The following ENOX1 variants were observed in gnomAD, a reference collection of about 807,000 sequenced individuals.
The protein encoded by ENOX1 is candidate growth-related and time keeping constitutive hydroquinone (NADH) oxidase.
Under a neutral mutation model 82.5 loss-of-function variants are expected in ENOX1, and 42 were observed. The observed-to-expected ratio is 0.51, with a 90% CI of 0.40 to 0.66. ENOX1 has a LOEUF of 0.66. Ranked by LOEUF, ENOX1 falls within the 30% of genes least tolerant of loss-of-function variation. ENOX1 has a pLI of 0.00. For missense variants in ENOX1, 608 were observed against 811.6 expected (o/e 0.75, Z 3.05); for synonymous variants, 271 against 282.2 (o/e 0.96, Z 0.40).
intron 12 of ENOX1, among the ~76,000 whole-genome samples, chr13:43,297,501 T>C (rs2046344617): frequency 6.6e-6 from 1 of 152,200 alleles, no homozygotes; most frequent in African/African-American, 2.4e-5. Flanking sequence ...TGATAATATA[T>C]GCTCTGTTAT....
intron 6 of ENOX1, among the ~76,000 whole-genome samples, chr13:43,360,715 A>AG (rs1230500329): frequency 6.6e-6 from 1 of 151,758 alleles, no homozygotes; most frequent in African/African-American, 2.4e-5. Context: ...GAATGACAAA[A>AG]AAAAAAAAAA....
intron 11 of ENOX1, among the ~76,000 whole-genome samples, chr13:43,299,258 C>T (rs2046441820): frequency 6.6e-6 from 1 of 152,162 alleles, no homozygotes; most frequent in Non-Finnish European, 1.5e-5. Context: ...CAGGGTCTCA[C>T]ACATCTCAAG....
intron 3 of ENOX1, among the ~76,000 whole-genome samples, chr13:43,483,488 A>T (rs543157231): frequency 6.6e-6 from 1 of 152,282 alleles, no homozygotes; most frequent in Admixed American, 6.5e-5. Flanking sequence ...AACCCCAAAC[A>T]AGCCCTATTC....
chr13:43,601,193 C>T (rs944897867), intron 2 of ENOX1, among the ~76,000 whole-genome samples: 4 of 152,058 alleles, frequency 2.6e-5, no homozygotes, highest in Non-Finnish European at 5.9e-5. Context: ...TTAAATAAGG[C>T]ACCAGGGTTA....
chr13:43,714,485 C>T (rs1004787330), intron 1 of ENOX1, among the ~76,000 whole-genome samples: 6 of 152,062 alleles, frequency 3.9e-5, no homozygotes, highest in African/African-American at 1.4e-4. Context: ...CTTTCTGTCT[C>T]GTTGATCTGT....
intron 5 of ENOX1, among the ~76,000 whole-genome samples, chr13:43,388,523 G>A (rs7994773): frequency 0.049 from 7,477 of 152,160 alleles, 528 homozygotes; most frequent in African/African-American, 0.15. Flanking sequence ...AAGTGTCTCT[G>A]CTCATAAACA....
chr13:43,395,288 G>A (rs898500887), intron 5 of ENOX1, among the ~76,000 whole-genome samples: 10 of 152,190 alleles, frequency 6.6e-5, no homozygotes, highest in South Asian at 4.1e-4. Context: ...AGGCCAAGGC[G>A]GGCAGACCAC....
At chr13:43,243,606 T>C (rs2042943826) in intron 14 of ENOX1, among the ~76,000 whole-genome samples, 1 of 152,196 alleles carries the variant, frequency 6.6e-6, no homozygotes, top group African/African-American at 2.4e-5. Context: ...ACCTTGACCA[T>C]TTTAACCGCT....
rs567651524 is a variant in ENOX1 at position 43,771,564 on chromosome 13, A to G, written c.-285+15088T>C. Reference sequence around the variant, plus strand: ...GACTTTTGAAAAACATGGGTTAGAGACATCTGAGTGCTGTAGATTCAGGCT... The same window carrying G: ...GACTTTTGAAAAACATGGGTTAGAGGCATCTGAGTGCTGTAGATTCAGGCT... On this transcript the variant is annotated intron_variant, in intron 1 of 16. Coordinates refer to ENST00000690772, the MANE Select transcript of ENOX1 (RefSeq NM_001347969.2). Among the ~76,000 whole-genome samples, 9 of 152,286 alleles carry G rather than the reference A, an allele frequency of 5.9e-5. 1 individual carries two copies. Among genetic ancestry groups the G allele is most frequent in the African/African-American group, 2.2e-4 (9 of 41,562 alleles).
intron 3 of ENOX1, among the ~76,000 whole-genome samples, chr13:43,425,286 A>G (rs917892657): frequency 2.0e-5 from 3 of 152,094 alleles, no homozygotes; most frequent in African/African-American, 7.2e-5. Flanking sequence ...ACCCCCATCA[A>G]AAGAGATGAG....
intron 11 of ENOX1, among the ~76,000 whole-genome samples, chr13:43,312,168 G>T (rs4942209): frequency 0.95 from 145,140 of 152,228 alleles, 69,605 homozygotes; most frequent in East Asian, 1. Context: ...CATTAATTTA[G>T]GACATTGGGG....
At chr13:43,459,424 T>C (rs541025564) in intron 3 of ENOX1, 1 of 152,334 alleles carries the variant, frequency 6.6e-6, no homozygotes, top group East Asian at 1.9e-4. Context: ...AAAACTCAAA[T>C]GGACATTCAT....
intron 11 of ENOX1, among the ~76,000 whole-genome samples, chr13:43,313,298 A>G (rs2875525): frequency 0.95 from 145,186 of 152,264 alleles, 69,634 homozygotes; most frequent in East Asian, 1. Flanking sequence ...TCTTAGAATA[A>G]GAAATTATAA....
chr13:43,280,696 T>C (rs1171845374), intron 12 of ENOX1, among the ~76,000 whole-genome samples: 4 of 152,216 alleles, frequency 2.6e-5, no homozygotes, highest in Admixed American at 6.5e-5. Context: ...CTCCTGATAA[T>C]TGTAGAACTT....
intron 11 of ENOX1, among the ~76,000 whole-genome samples, chr13:43,307,351 G>A (rs1420552982): frequency 4.6e-5 from 7 of 152,160 alleles, no homozygotes; most frequent in Non-Finnish European, 7.4e-5. Context: ...TGAGAAACCT[G>A]GGACTCATCC....
At chr13:43,377,515 A>G (rs1332963742) in intron 5 of ENOX1, among the ~76,000 whole-genome samples, 2 of 152,218 alleles carry the variant, frequency 1.3e-5, no homozygotes, top group African/African-American at 2.4e-5. Flanking sequence ...CCCACGAACA[A>G]AACTCCTAGA....
chr13:43,248,366 GT>G (rs1356936619), intron 14 of ENOX1, among the ~76,000 whole-genome samples: 2 of 151,872 alleles, frequency 1.3e-5, no homozygotes, highest in African/African-American at 2.4e-5. Context: ...TATATGTATG[GT>G]GGATAGTGAA....
intron 2 of ENOX1, among the ~76,000 whole-genome samples, chr13:43,601,819 C>T (rs565622165): frequency 6.6e-6 from 1 of 152,216 alleles, no homozygotes; most frequent in East Asian, 1.9e-4. Flanking sequence ...AAAGAAATAA[C>T]ATATAATGGA....
intron 3 of ENOX1, among the ~76,000 whole-genome samples, chr13:43,445,897 CTGGGA>C (rs2056627595): frequency 1.3e-5 from 2 of 152,306 alleles, no homozygotes; most frequent in African/African-American, 4.8e-5. Flanking sequence ...AGACATAAAC[CTGGGA>C]GTTCTGCAGG....
Sources: gnomAD v4.1 joint callset for allele counts (sites outside exome capture counted in the v4.1 genomes callset) on GRCh38, gnomAD v4.1.1 for gene constraint, MANE v1.5 for transcripts, NCBI Gene and HGNC (gene_info 2026-07-23, HGNC 2026-07-21) for gene names.